Variants in ITGBL1 observed in about 807,000 individuals in gnomAD.
ITGBL1 encodes integrin subunit beta like 1.
ITGBL1 carries 51 observed loss-of-function variants against 68.5 expected under a neutral mutation model. The observed-to-expected ratio is 0.74, with a 90% confidence interval of 0.59 to 0.94. ITGBL1 has a LOEUF of 0.94. Ranked by LOEUF, ITGBL1 falls within the 40% of genes least tolerant of loss-of-function variation. ITGBL1 has a pLI of 0.00. For missense variants in ITGBL1, 649 were observed against 647.4 expected, an observed-to-expected ratio of 1.00 and a Z score of -0.03; for synonymous variants, 209 against 227.3, an observed-to-expected ratio of 0.92 and a Z score of 0.72.
intron 2 of ITGBL1, among the ~76,000 whole-genome samples, chr13:101,525,470 T>TTTTCCTACGTC (rs59579161): frequency 1.3e-5 from 2 of 151,164 alleles, no homozygotes; most frequent in African/African-American, 2.4e-5. Flanking sequence ...CATCACCTCC[T>TTTTCCTACGTC]TTTCTTGGCC....
intron 7 of ITGBL1, among the ~76,000 whole-genome samples, chr13:101,625,655 C>T (rs1234025571): frequency 2.0e-5 from 3 of 151,870 alleles, no homozygotes; most frequent in Non-Finnish European, 4.4e-5. Context: ...TGGGTTCAAG[C>T]GATTCTCCTG....
At chr13:101,673,484 G>C (rs1381116318) in intron 7 of ITGBL1, among the ~76,000 whole-genome samples, 1 of 152,096 alleles carries the variant, frequency 6.6e-6, no homozygotes, top group African/African-American at 2.4e-5. Context: ...AATAATACAT[G>C]CTGTACCTGG....
chr13:101,683,021 G>T (rs916773704), intron 7 of ITGBL1, among the ~76,000 whole-genome samples: 21 of 151,998 alleles, frequency 1.4e-4, no homozygotes, highest in African/African-American at 4.8e-5. Context: ...TTGAAACATG[G>T]CTCACCAATT....
At chr13:101,518,412 C>CT (rs1278819715) in intron 2 of ITGBL1, among the ~76,000 whole-genome samples, 4 of 152,118 alleles carry the variant, frequency 2.6e-5, no homozygotes, top group African/African-American at 9.7e-5. Flanking sequence ...TCCCAAGGTA[C>CT]TTTTGTCATC....
At position 101,642,160 on chromosome 13, in the gene ITGBL1, C is replaced by T. The variant is rs1165955389; in HGVS notation, c.1015+43861C>T. On this transcript the variant is annotated intron_variant, in intron 7 of 10. Transcript: ENST00000376180. ...CACACTGACTTCCACAATGGTTGAACTAGTTTACAGTCCCACCAACAGTGT... is the reference window on the plus strand; with the variant it reads ...CACACTGACTTCCACAATGGTTGAATTAGTTTACAGTCCCACCAACAGTGT... Among the ~76,000 whole-genome samples the T allele has an allele frequency of 2.0e-5, 3 of 151,856 alleles. No homozygotes were observed. The East Asian group carries it at 5.8e-4, about 29-fold the overall frequency.
intron 2 of ITGBL1, among the ~76,000 whole-genome samples, chr13:101,547,149 AT>A (rs2049839850): frequency 1.7e-5 from 1 of 59,644 alleles, no homozygotes; most frequent in Non-Finnish European, 3.5e-5. Flanking sequence ...ACCTATTTAT[AT>A]TGTTTATTGA....
At chr13:101,637,622 C>G (rs1192484757) in intron 7 of ITGBL1, among the ~76,000 whole-genome samples, 1 of 152,266 alleles carries the variant, frequency 6.6e-6, no homozygotes. Context: ...GGATTACAGG[C>G]GTGAGCCACC....
chr13:101,532,270 A>G (rs897349447), intron 2 of ITGBL1, among the ~76,000 whole-genome samples: 22 of 152,216 alleles, frequency 1.4e-4, no homozygotes, highest in Non-Finnish European at 4.4e-5. Context: ...CCAAGAAGGC[A>G]AGTTCTATCT....
chr13:101,507,386 G>A (rs2049043473), intron 2 of ITGBL1, among the ~76,000 whole-genome samples: 1 of 152,010 alleles, frequency 6.6e-6, no homozygotes, highest in South Asian at 2.1e-4. Context: ...ACAAATAAAT[G>A]CTTTTATTTT....
intron 7 of ITGBL1, among the ~76,000 whole-genome samples, chr13:101,684,473 C>T (rs112877593): frequency 0.021 from 3,239 of 151,966 alleles, 113 homozygotes; most frequent in African/African-American, 0.074. Context: ...GAATAATAAG[C>T]ATACAGTATT....
At chr13:101,630,533 A>G (rs1181620103) in intron 7 of ITGBL1, among the ~76,000 whole-genome samples, 1 of 152,162 alleles carries the variant, frequency 6.6e-6, no homozygotes, top group African/African-American at 2.4e-5. Context: ...CAAAATGTAT[A>G]CTTCAATGGT....
intron 6 of ITGBL1, among the ~76,000 whole-genome samples, chr13:101,587,381 G>A (rs1161169875): frequency 1.3e-5 from 2 of 152,120 alleles, no homozygotes; most frequent in Non-Finnish European, 2.9e-5. Context: ...CAACATGACT[G>A]TTATACTACA....
chr13:101,639,053 A>G (rs2032275430), intron 7 of ITGBL1, among the ~76,000 whole-genome samples: 1 of 152,202 alleles, frequency 6.6e-6, no homozygotes, highest in African/African-American at 2.4e-5. Flanking sequence ...GTGGCTTACA[A>G]GCATATGGTT....
At chr13:101,681,244 G>A (rs1469166543) in intron 7 of ITGBL1, among the ~76,000 whole-genome samples, 1 of 152,090 alleles carries the variant, frequency 6.6e-6, no homozygotes, top group African/African-American at 2.4e-5. Context: ...CTTTAAATGT[G>A]ACCATATAGG....
At position 101,692,379 on chromosome 13, in the gene ITGBL1, C is replaced by T. The variant is rs538043767; in HGVS notation, c.1016-206C>T. Among the ~76,000 whole-genome samples, 4 of 152,268 alleles carry T rather than the reference C, an allele frequency of 2.6e-5. No individual in the cohort carries two copies. The East Asian group carries it at 7.7e-4, about 29-fold the overall frequency. ...GAATGACTTCTGAGACAGCAACTGC[C>T]ACTTCCACTCCAGACCACCACGGAA... On this transcript the variant is annotated intron_variant, in intron 7 of 10. Transcript: ENST00000376180.
At chr13:101,565,911 A>C (rs1030001055) in intron 2 of ITGBL1, among the ~76,000 whole-genome samples, 1 of 151,956 alleles carries the variant, frequency 6.6e-6, no homozygotes, top group African/African-American at 2.4e-5. Context: ...TCCTGTATAC[A>C]TTTTGTTTAT....
intron 2 of ITGBL1, among the ~76,000 whole-genome samples, chr13:101,460,961 T>C (rs780078557): frequency 6.6e-6 from 1 of 152,124 alleles, no homozygotes; most frequent in African/African-American, 2.4e-5. Context: ...CATTTCAACA[T>C]GAGATTTGGA....
At chr13:101,533,527 C>T (rs537417863) in intron 2 of ITGBL1, among the ~76,000 whole-genome samples, 9 of 152,292 alleles carry the variant, frequency 5.9e-5, no homozygotes, top group South Asian at 4.1e-4. Flanking sequence ...CATTGAGATA[C>T]GTAATCCTTC....
At chr13:101,705,696 G>A (rs1354030642) in intron 8 of ITGBL1, among the ~76,000 whole-genome samples, 1 of 152,174 alleles carries the variant, frequency 6.6e-6, no homozygotes, top group South Asian at 2.1e-4. Context: ...AGAGCTGAAT[G>A]GAGGGGGAGC....
Sources: allele counts gnomAD v4.1 joint callset (sites outside exome capture counted in the v4.1 genomes callset), GRCh38; gene constraint gnomAD v4.1.1; transcripts MANE v1.5; gene names NCBI Gene and HGNC (gene_info 2026-07-23, HGNC 2026-07-21).